Variants in OPCML observed in about 807,000 individuals in gnomAD.
OPCML encodes opioid-binding protein/cell adhesion molecule.
A neutral mutation model predicts 37.8 loss-of-function variants in OPCML; 13 were observed. The observed-to-expected ratio is 0.34, with a 90% CI of 0.22 to 0.55. OPCML has a LOEUF of 0.55. Among genes scored for constraint, OPCML ranks in the 20% least tolerant of loss-of-function variants. OPCML has a pLI of 0.91. For synonymous variants in OPCML, 176 were observed against 168.8 expected, an observed-to-expected ratio of 1.04 and a Z score of -0.33; for missense variants, 341 against 435.6, an observed-to-expected ratio of 0.78 and a Z score of 1.93.
At chr11:132,638,186 T>TATATATATATATATATATATAG in intron 3 of OPCML, among the ~76,000 whole-genome samples, 1 of 131,082 alleles carries the variant, frequency 7.6e-6, no homozygotes, top group East Asian at 2.2e-4. Context: ...TATATATATA[T>TATATATATATATATATATATAG]ACAGAGAGAG....
chr11:132,550,952 A>G (rs866139542), intron 3 of OPCML, among the ~76,000 whole-genome samples: 2 of 152,240 alleles, frequency 1.3e-5, no homozygotes, highest in East Asian at 3.8e-4. Flanking sequence ...AAATGGACCA[A>G]TGGAGGAACT....
intron 2 of OPCML, among the ~76,000 whole-genome samples, chr11:132,811,919 C>T (rs551666216): frequency 1.3e-5 from 2 of 152,320 alleles, no homozygotes; most frequent in South Asian, 4.1e-4. Context: ...AATCGCAGAA[C>T]AGTGTGTTGC....
intron 1 of OPCML, among the ~76,000 whole-genome samples, chr11:133,130,877 A>G (rs1336358802): frequency 6.6e-6 from 1 of 152,084 alleles, no homozygotes; most frequent in East Asian, 1.9e-4. Context: ...GAATAATTCA[A>G]TATCCACATG....
intron 1 of OPCML, among the ~76,000 whole-genome samples, chr11:133,059,051 T>C (rs1293051645): frequency 1.3e-5 from 2 of 152,166 alleles, no homozygotes; most frequent in East Asian, 3.9e-4. Context: ...TTGAAACAAA[T>C]CAAATTTTCC....
chr11:132,945,948 A>G (rs1465841604), intron 1 of OPCML, among the ~76,000 whole-genome samples: 1 of 152,148 alleles, frequency 6.6e-6, no homozygotes, highest in East Asian at 1.9e-4. Flanking sequence ...ATGCCCAGCT[A>G]ACTTTTTGTA....
intron 1 of OPCML, among the ~76,000 whole-genome samples, chr11:133,001,901 C>T (rs75013570): frequency 0.019 from 2,924 of 152,290 alleles, 91 homozygotes; most frequent in African/African-American, 0.065. Flanking sequence ...GCTGTTGCTT[C>T]AGTACAGAGC....
At chr11:132,733,136 A>G (rs1945135841) in intron 2 of OPCML, among the ~76,000 whole-genome samples, 1 of 152,202 alleles carries the variant, frequency 6.6e-6, no homozygotes. Flanking sequence ...CGAAGATGAA[A>G]TAATTCTGGG....
chr11:132,765,374 T>G (rs59015749), intron 2 of OPCML, among the ~76,000 whole-genome samples: 2,408 of 152,326 alleles, frequency 0.016, 61 homozygotes, highest in African/African-American at 0.054. Flanking sequence ...AAAGGAGAAG[T>G]TCTCCCAGGA....
intron 1 of OPCML, among the ~76,000 whole-genome samples, chr11:133,331,603 A>G (rs746324189): frequency 9.9e-5 from 15 of 152,192 alleles, no homozygotes; most frequent in Non-Finnish European, 2.2e-4. Flanking sequence ...TCTCTTAATC[A>G]TTGGCTTTAA....
rs533216285 is a variant in OPCML at position 133,134,936 on chromosome 11, TCTC to T, written c.62-191929_62-191927del. 1.4e-4 allele frequency among the ~76,000 whole-genome samples: 21 copies of T among 152,308 alleles called. No homozygotes were observed. The East Asian group carries it at 3.9e-3, about 28-fold the overall frequency. The stretch of plus-strand genomic sequence containing the variant: ...TGGAGTATTTTTTCCATTCCCAGAC[TCTC>T]CTCCTCTTCATTTCCTGGATATTGT... On this transcript the variant is annotated intron_variant, in intron 1 of 7. Coordinates refer to ENST00000524381, the MANE Select transcript of OPCML (RefSeq NM_001012393.5).
chr11:133,532,103 G>A, intron 1 of OPCML, 161 bp downstream of exon 1: 2 of 703,090 alleles, frequency 2.8e-6, no homozygotes, highest in Non-Finnish European at 3.5e-6. Flanking sequence ...GTGAGTGTGT[G>A]TGTGCGTGCA....
chr11:133,483,674 T>TGATA (rs141632251), intron 1 of OPCML, among the ~76,000 whole-genome samples: 18,164 of 145,994 alleles, frequency 0.12, 1,180 homozygotes, highest in Middle Eastern at 0.16. Flanking sequence ...GATAAATAGA[T>TGATA]GATAGATAGA....
At chr11:132,833,613 A>G (rs980106557) in intron 2 of OPCML, among the ~76,000 whole-genome samples, 3 of 152,262 alleles carry the variant, frequency 2.0e-5, no homozygotes, top group East Asian at 1.9e-4. Context: ...TGTGCCTTAC[A>G]TAATTGTATG....
At position 132,417,471 on chromosome 11, in the gene OPCML, A is replaced by G. The variant is rs1003103924; in HGVS notation, c.*2722T>C. 1 of 152,222 alleles carries G rather than the reference A, an allele frequency of 6.6e-6. No individual in the cohort carries two copies. The highest frequency in any genetic ancestry group is 2.4e-5 in the African/African-American group (1 of 41,464). 9.4% of individuals were successfully genotyped at this position (152,222 alleles called of 1,614,324 possible). On this transcript the variant is annotated 3_prime_UTR_variant, in exon 8 of 8. Transcript: ENST00000524381. The stretch of plus-strand genomic sequence containing the variant: ...AACGTGGCTGGGATAGGTACCCACC[A>G]GAGGGGCATCTTAGTATCCTTTGGA...
intron 1 of OPCML, among the ~76,000 whole-genome samples, chr11:133,224,194 G>C (rs1195783559): frequency 6.6e-6 from 1 of 152,186 alleles, no homozygotes; most frequent in Admixed American, 6.5e-5. Flanking sequence ...GCCAAAAGTG[G>C]CCGGTGGTGG....
In OPCML at chr11:132,484,910, G is replaced by A. The variant is rs995951758; in HGVS notation, c.505+44151C>T. ...AGGAAGGGGAACATCACACTCTGGGGCCTGTTGTGGGGTGCGAGGAGGGCA... is the reference window on the plus strand; with the variant it reads ...AGGAAGGGGAACATCACACTCTGGGACCTGTTGTGGGGTGCGAGGAGGGCA... On this transcript the variant is annotated intron_variant, in intron 4 of 7. Coordinates refer to ENST00000524381, the MANE Select transcript of OPCML (RefSeq NM_001012393.5). 5.9e-5 allele frequency among the ~76,000 whole-genome samples: 9 copies of A among 152,320 alleles called. No homozygotes were observed. In the South Asian group the frequency reaches 8.3e-4, roughly 14 times the overall value.
intron 1 of OPCML, among the ~76,000 whole-genome samples, chr11:133,390,556 A>T (rs1945154845): frequency 6.6e-6 from 1 of 152,214 alleles, no homozygotes; most frequent in South Asian, 2.1e-4. Flanking sequence ...CACTGAAATG[A>T]GAAAGGTCTT....
At chr11:132,848,402 G>A (rs1941649477) in intron 2 of OPCML, among the ~76,000 whole-genome samples, 1 of 152,174 alleles carries the variant, frequency 6.6e-6, no homozygotes. Context: ...TTGGAAAATA[G>A]TCAAGTCAAC....
intron 4 of OPCML, among the ~76,000 whole-genome samples, chr11:132,441,165 G>GTTTTTTTTTT (rs68143578): frequency 1.7e-4 from 12 of 72,398 alleles, no homozygotes; most frequent in African/African-American, 8.7e-4. Flanking sequence ...GGACTTTTTT[G>GTTTTTTTTTT]TTTTTTTTTT....
Sources: gnomAD v4.1 joint callset for allele counts (sites outside exome capture counted in the v4.1 genomes callset) on GRCh38, gnomAD v4.1.1 for gene constraint, MANE v1.5 for transcripts, NCBI Gene and HGNC (gene_info 2026-07-23, HGNC 2026-07-21) for gene names.